The following ZNF106 variants were observed in gnomAD, a reference collection of about 807,000 sequenced individuals.
ZNF106 encodes SH3-domain binding protein 3.
Under a neutral mutation model 195.1 loss-of-function variants are expected in ZNF106, and 67 were observed. The observed-to-expected ratio is 0.34, with a 90% confidence interval of 0.28 to 0.42. ZNF106 has a LOEUF of 0.42. Ranked by LOEUF, ZNF106 falls within the 10% of genes least tolerant of loss-of-function variation. ZNF106 has a pLI of 1.00. For missense variants in ZNF106, 2,118 were observed against 2,304.5 expected, an observed-to-expected ratio of 0.92 and a Z score of 1.66; for synonymous variants, 784 against 818.6, an observed-to-expected ratio of 0.96 and a Z score of 0.72.
chr15:42,447,730 TC>T (rs2055825841), intron 6 of ZNF106, among the ~76,000 whole-genome samples: 3 of 152,222 alleles, frequency 2.0e-5, no homozygotes, highest in Admixed American at 2.0e-4. Context: ...ACGCCTTTCT[TC>T]AGTAGCAGTG....
At chr15:42,490,876 G>C (rs572669076) in intron 1 of ZNF106, 104 bp downstream of exon 1, 1 of 152,546 alleles carries the variant, frequency 6.6e-6, no homozygotes, top group African/African-American at 2.4e-5. Context: ...TGCAGGAGTA[G>C]AAACCCGGTG....
chr15:42,424,824 C>T lies in ZNF106; in HGVS notation c.5190+10G>A. 6.2e-7 allele frequency: 1 copy of T among 1,612,084 alleles called. No individual in the cohort carries two copies. The highest frequency in any genetic ancestry group is 2.2e-5 in the East Asian group (1 of 44,844). ...GCCAGACAACTCCGATTCTCTTGCA[C>T]TGTACTTGCCTTCATGCAAAGAATG... On this transcript the variant is annotated intron_variant, in intron 16 of 21. Coordinates refer to ENST00000564754, the MANE Select transcript of ZNF106 (RefSeq NM_001366845.3).
intron 2 of ZNF106, among the ~76,000 whole-genome samples, chr15:42,470,174 C>T (rs753478964): frequency 6.6e-6 from 1 of 152,094 alleles, no homozygotes; most frequent in Non-Finnish European, 1.5e-5. Flanking sequence ...ATATTTAACT[C>T]CAGGGCTTCT....
At chr15:42,427,186 C>A (rs1053836291) in intron 15 of ZNF106, among the ~76,000 whole-genome samples, 2 of 152,172 alleles carry the variant, frequency 1.3e-5, no homozygotes, top group Non-Finnish European at 2.9e-5. Context: ...TAACCTTTTT[C>A]ATGTCAGCTT....
At position 42,448,321 on chromosome 15, in the gene ZNF106, T is replaced by C. The variant is rs376302375; in HGVS notation, c.2886A>G (p.Gln962=). The change falls in exon 6 of 22, where the codon CAA becomes CAG. Residue 962 remains glutamine (Q), a synonymous_variant. Transcript: ENST00000564754. ...NVATQRRHSA[Q]LSSDHIIPLM... The stretch of plus-strand genomic sequence containing the variant: ...AAGGTATTATATGGTCAGAGGATAA[T>C]TGTGCACTATGTCGCCTTTGGGTAG... 54 of 1,614,108 alleles carry C rather than the reference T, an allele frequency of 3.3e-5. No homozygotes were observed. The highest frequency in any genetic ancestry group is 1.6e-4 in the Middle Eastern group (1 of 6,084).
At chr15:42,475,921 A>G (rs1310954417) in intron 1 of ZNF106, among the ~76,000 whole-genome samples, 1 of 152,158 alleles carries the variant, frequency 6.6e-6, no homozygotes, top group Non-Finnish European at 1.5e-5. Context: ...GAGTTTTTAT[A>G]TATTTACTTG....
In ZNF106 at chr15:42,450,658, T is replaced by C. The variant is rs1367231772; in HGVS notation, c.1614A>G (p.Lys538=). 5 of 1,614,204 alleles carry C rather than the reference T, an allele frequency of 3.1e-6. No individual in the cohort carries two copies. The highest frequency in any genetic ancestry group is 3.4e-6 in the Non-Finnish European group (4 of 1,180,038). ...KLRSSCPHVL[K]GNKSTFGSQK... is the part of the protein sequence containing the mutation. The stretch of plus-strand genomic sequence containing the variant: ...GAGAGCCAAATGTACTTTTATTCCC[T>C]TTTAAAACATGAGGACATGAACTAC... The change falls in exon 5 of 22, where the codon AAA becomes AAG. Residue 538 remains lysine, a synonymous_variant. Coordinates refer to ENST00000564754, the MANE Select transcript of ZNF106 (RefSeq NM_001366845.3).
At chr15:42,442,445 G>A (rs1473571253) in intron 9 of ZNF106, 31 bp from the exon 10 acceptor site, 2 of 1,543,050 alleles carry the variant, frequency 1.3e-6, no homozygotes, top group Admixed American at 2.0e-5. Context: ...ACATAGAAAT[G>A]CAAAAATGTT....
chr15:42,448,105 G>A lies in ZNF106; in HGVS notation c.3102C>T (p.Gly1034=). 6.2e-7 allele frequency: 1 copy of A among 1,613,710 alleles called. No individual in the cohort carries two copies. ...SCTSGAEQND[G]QSIRKKRRAT... is the part of the protein sequence containing the mutation. The stretch of plus-strand genomic sequence containing the variant: ...CTCTTCGTTTCTTTCTAATACTTTG[G>A]CCATCATTTTGTTCAGCACCAGAGG... The change falls in exon 6 of 22, where the codon GGC becomes GGT. Residue 1034 remains glycine, a synonymous_variant. Coordinates refer to ENST00000564754, the MANE Select transcript of ZNF106 (RefSeq NM_001366845.3).
intron 10 of ZNF106, 47 bp downstream of exon 10, chr15:42,442,026 C>T: frequency 6.8e-7 from 1 of 1,472,260 alleles, no homozygotes; most frequent in Non-Finnish European, 9.2e-7. Flanking sequence ...AAAAATGCCC[C>T]AGTCTCACTA....
At chr15:42,481,354 G>GTTTTTTTTTTT (rs1376284600) in intron 1 of ZNF106, among the ~76,000 whole-genome samples, 2 of 94,316 alleles carry the variant, frequency 2.1e-5, no homozygotes, top group African/African-American at 5.5e-5. Flanking sequence ...TTTTTTTTTT[G>GTTTTTTTTTTT]TTGTTTTTTT....
chr15:42,421,336 T>C (rs1046631790), intron 19 of ZNF106, among the ~76,000 whole-genome samples: 1 of 152,174 alleles, frequency 6.6e-6, no homozygotes, highest in Non-Finnish European at 1.5e-5. Context: ...AGAAAGCCAC[T>C]TGGGACCAGG....
Position 42,465,478 on chromosome 15 carries a change from C to T in ZNF106, c.116+575G>A, listed in dbSNP as rs190249594. ...TATTTGTAGAGACAAGGTCTTTCTA[C>T]GTTGCCCAGGCTGGTCTCAAACTCC... On this transcript the variant is annotated intron_variant, in intron 3 of 21. Coordinates refer to ENST00000564754, the MANE Select transcript of ZNF106 (RefSeq NM_001366845.3). 5.3e-5 allele frequency among the ~76,000 whole-genome samples: 8 copies of T among 150,880 alleles called. No individual in the cohort carries two copies. In the East Asian group the frequency reaches 1.0e-3, roughly 19 times the overall value.
intron 14 of ZNF106, among the ~76,000 whole-genome samples, chr15:42,431,967 A>G (rs1373403940): frequency 1.3e-5 from 2 of 152,132 alleles, no homozygotes; most frequent in African/African-American, 2.4e-5. Context: ...GTAGTCTATC[A>G]ATTATTGAGA....
chr15:42,425,204 C>A (rs904208309), intron 15 of ZNF106, among the ~76,000 whole-genome samples, 179 bp from the exon 16 acceptor site: 1 of 152,178 alleles, frequency 6.6e-6, no homozygotes, highest in African/African-American at 2.4e-5. Context: ...TACTGAACCT[C>A]CCCCATCCCC....
At position 42,446,641 on chromosome 15, in the gene ZNF106, T is replaced by G; in HGVS notation, c.3153A>C (p.Glu1051Asp). The change falls in exon 7 of 22, where the codon GAA becomes GAC. Residue 1051 changes from glutamate (E) to aspartate (D), a missense_variant. Physicochemically the swap from Glu to Asp is conservative, Grantham distance 45 (BLOSUM62 2). Coordinates refer to ENST00000564754, the MANE Select transcript of ZNF106 (RefSeq NM_001366845.3). ...TATTTTTTCTCTCAAGACTTGGGAG[T>G]TCAGGAGAAGATCCATCCTGGAAGG... is the stretch of plus-strand genomic sequence containing the variant. ...RRATGDGSSP[E>D]LPSLERKNKR... 1.1e-5 allele frequency: 17 copies of G among 1,605,712 alleles called. No individual in the cohort carries two copies. Among genetic ancestry groups the G allele is most frequent in the Non-Finnish European group, 1.4e-5 (17 of 1,174,792 alleles).
chr15:42,462,396 G>A (rs1038496103), intron 3 of ZNF106, among the ~76,000 whole-genome samples: 7 of 152,162 alleles, frequency 4.6e-5, no homozygotes, highest in African/African-American at 1.4e-4. Flanking sequence ...TCAGGAGTTC[G>A]AGACCAGCCT....
intron 14 of ZNF106, among the ~76,000 whole-genome samples, chr15:42,428,551 C>G (rs2054937389): frequency 6.6e-6 from 1 of 152,184 alleles, no homozygotes; most frequent in African/African-American, 2.4e-5. Context: ...ACATGATTCT[C>G]TATTTCAATA....
chr15:42,425,336 A>G, intron 15 of ZNF106: 1 of 293,310 alleles, frequency 3.4e-6, no homozygotes, highest in South Asian at 5.8e-5. Flanking sequence ...GTAAGTTAAT[A>G]ATAATGAAGG....
Sources: allele counts gnomAD v4.1 joint callset (sites outside exome capture counted in the v4.1 genomes callset), GRCh38; gene constraint gnomAD v4.1.1; transcripts MANE v1.5; gene names NCBI Gene and HGNC (gene_info 2026-07-23, HGNC 2026-07-21).